Variants in PDZD9 observed in about 807,000 individuals in gnomAD.
PDZD9 encodes the protein PDZ domain-containing protein 9.
In PDZD9, 13 loss-of-function variants were observed where a neutral mutation model predicts 16.3. The ratio of observed to expected loss-of-function variants is 0.80; its 90% confidence interval spans 0.52 to 1.27. The LOEUF (loss-of-function observed/expected upper bound fraction) is 1.27. Ranked by LOEUF, PDZD9 falls within the 50% of genes most tolerant of loss-of-function variation. The pLI is 0.00. For synonymous variants in PDZD9, 120 were observed against 111.0 expected (o/e 1.08, Z -0.51); for missense variants, 288 against 310.9 (o/e 0.93, Z 0.55).
At chr16:21,964,509 C>T in the PDZD9 span, among the ~76,000 whole-genome samples, 1 of 152,144 alleles carries the variant, frequency 6.6e-6, no homozygotes, top group African/African-American at 2.4e-5. Flanking sequence ...ACTTTATGCT[C>T]TACCCTCTTC....
downstream of PDZD9, chr16:21,983,026 G>T (rs1451020919): frequency 3.5e-6 from 5 of 1,438,982 alleles, no homozygotes; most frequent in Admixed American, 1.9e-5. Context: ...AAATAAGTTC[G>T]CCTGCTTGAT....
chr16:21,965,794 C>T, the PDZD9 span, among the ~76,000 whole-genome samples: 1 of 152,114 alleles, frequency 6.6e-6, no homozygotes, highest in Non-Finnish European at 1.5e-5. Context: ...TAAAGGCACT[C>T]AGTGTTAATA....
chr16:21,971,519 A>G, the PDZD9 span: 2 of 1,603,854 alleles, frequency 1.2e-6, no homozygotes, highest in Non-Finnish European at 1.7e-6. Context: ...GCTTCTGTTG[A>G]AACAGGTGTG....
intron 3 of PDZD9, among the ~76,000 whole-genome samples, chr16:21,987,529 C>G (rs1898908145): frequency 1.3e-5 from 2 of 152,050 alleles, no homozygotes; most frequent in Non-Finnish European, 2.9e-5. Flanking sequence ...AGAAAGGACA[C>G]CAAGAGGAAA....
chr16:21,984,773 T>C (rs1898834937), intron 3 of PDZD9, 113 bp from the exon 4 acceptor site: 1 of 712,472 alleles, frequency 1.4e-6, no homozygotes, highest in Non-Finnish European at 2.0e-6. Flanking sequence ...AATTTAGCTT[T>C]AGCATTACCT....
intron 1 of PDZD9, among the ~76,000 whole-genome samples, 192 bp downstream of exon 1, chr16:22,000,825 A>AATG (rs10611346): frequency 0.12 from 17,190 of 140,424 alleles, 1,371 homozygotes; most frequent in African/African-American, 0.23. Context: ...CTCCTTCTCA[A>AATG]ATGATGATGA....
At chr16:21,975,529 G>C in the PDZD9 span, among the ~76,000 whole-genome samples, 2 of 152,110 alleles carry the variant, frequency 1.3e-5, no homozygotes, top group African/African-American at 4.8e-5. Context: ...GAAAATCATG[G>C]TCAGATTTAT....
intron 2 of PDZD9, chr16:21,995,200 A>G (rs766373384): frequency 4.4e-6 from 2 of 455,028 alleles, no homozygotes; most frequent in East Asian, 1.4e-4. Context: ...ACCTCCCCCT[A>G]CTCTCTCTTC....
chr16:21,981,214 T>C (rs927794276), downstream of PDZD9, among the ~76,000 whole-genome samples: 41 of 151,810 alleles, frequency 2.7e-4, no homozygotes, highest in Non-Finnish European at 1.5e-5. Flanking sequence ...TTCTTGCTAA[T>C]TTTTTTTTCA....
downstream of PDZD9, chr16:21,983,183 A>G: frequency 3.1e-6 from 5 of 1,611,246 alleles, no homozygotes; most frequent in Non-Finnish European, 4.2e-6. Context: ...ACTGATGCAC[A>G]CATTACAGGA....
chr16:21,981,579 C>G (rs762946417), downstream of PDZD9, among the ~76,000 whole-genome samples: 5 of 151,864 alleles, frequency 3.3e-5, no homozygotes, highest in Non-Finnish European at 7.4e-5. Context: ...TGTAGCAAAA[C>G]CCCATCTCTA....
chr16:22,000,997 G>A lies in PDZD9; in HGVS notation c.31+20C>T. 5 of 1,532,490 alleles carry A rather than the reference G, an allele frequency of 3.3e-6. No individual in the cohort carries two copies. Among genetic ancestry groups the A allele is most frequent in the South Asian group, 1.2e-5 (1 of 83,226 alleles). The allele number at this position is 1,532,490 out of a possible 1,614,324, so 94.9% of individuals were successfully genotyped here. ...CTTGGTCCCCAGGGCTTCTTCACCC[G>A]CTTCCTTCTCCCCAGTTACCTTTTT... On this transcript the variant is annotated intron_variant, in intron 1 of 3. Transcript: ENST00000424898.
intron 1 of PDZD9, 66 bp downstream of exon 1, chr16:22,000,951 G>C (rs1434228039): frequency 1.3e-6 from 2 of 1,490,586 alleles, no homozygotes; most frequent in Non-Finnish European, 1.8e-6. Context: ...CCATTTTACA[G>C]AGGAGGAACA....
At chr16:22,000,379 A>C (rs548529665) in intron 1 of PDZD9, among the ~76,000 whole-genome samples, 25 of 151,622 alleles carry the variant, frequency 1.6e-4, no homozygotes, top group Non-Finnish European at 3.1e-4. Context: ...AAACGCTGTA[A>C]AAAACAGATG....
chr16:21,973,786 CT>C, the PDZD9 span: 1 of 862,554 alleles, frequency 1.2e-6, no homozygotes, highest in Non-Finnish European at 1.8e-6. Flanking sequence ...AAATATTAAT[CT>C]ATTTTGTTTA....
In PDZD9 at chr16:22,001,039, C is replaced by T; in HGVS notation, c.9G>A (p.Lys3=). Residue 3 remains lysine, a synonymous_variant, in exon 1 of 4, where the codon AAG becomes AAA. Coordinates refer to ENST00000424898, the MANE Select transcript of PDZD9 (RefSeq NM_001363519.1). MQ[K]ASHKNKKERG... ...TACCTTTTTTGTTTTTGTGGGAGGCCTTCTGCATGGTCCCGGGAGGTCAGG... is the reference window on the plus strand; with the variant it reads ...TACCTTTTTTGTTTTTGTGGGAGGCTTTCTGCATGGTCCCGGGAGGTCAGG... 6.5e-7 allele frequency: 1 copy of T among 1,532,332 alleles called. No homozygotes were observed. Among genetic ancestry groups the T allele is most frequent in the Non-Finnish European group, 8.7e-7 (1 of 1,145,534 alleles). The allele number at this position is 1,532,332 out of a possible 1,614,324, so 94.9% of individuals were successfully genotyped here.
chr16:21,977,733 C>T, the PDZD9 span, among the ~76,000 whole-genome samples: 1 of 152,206 alleles, frequency 6.6e-6, no homozygotes, highest in Non-Finnish European at 1.5e-5. Context: ...AATCTTGCAA[C>T]TCCAGTGGTC....
downstream of PDZD9, chr16:21,980,778 G>A (rs1272580271): frequency 2.2e-5 from 33 of 1,503,150 alleles, no homozygotes; most frequent in East Asian, 9.1e-5. Context: ...ATGCATAAGC[G>A]TCCTTGGGCA....
At chr16:21,961,102 G>A in the PDZD9 span, among the ~76,000 whole-genome samples, 958 of 152,272 alleles carry the variant, frequency 6.3e-3, 9 homozygotes, top group African/African-American at 0.021. Flanking sequence ...TGCTGGGATT[G>A]CAGATGTGAG....
Sources: allele counts gnomAD v4.1 joint callset (sites outside exome capture counted in the v4.1 genomes callset), GRCh38; gene constraint gnomAD v4.1.1; transcripts MANE v1.5; gene names NCBI Gene and HGNC (gene_info 2026-07-23, HGNC 2026-07-21).